The following CSNK1G2 variants were observed in gnomAD, a reference collection of about 807,000 sequenced individuals.
CSNK1G2 encodes the protein casein kinase I isoform gamma-2.
In CSNK1G2, 11 loss-of-function variants were observed where a neutral mutation model predicts 48.0. The ratio of observed to expected loss-of-function variants is 0.23; its 90% CI spans 0.14 to 0.38. The LOEUF (loss-of-function observed/expected upper bound fraction) is 0.38, where lower values mean the gene tolerates loss of function less well. Ranked by LOEUF, CSNK1G2 falls within the 10% of genes least tolerant of loss-of-function variation. The pLI, the probability that CSNK1G2 is intolerant of heterozygous loss-of-function variation, is 1.00. For synonymous variants in CSNK1G2, 337 were observed against 254.1 expected (o/e 1.33, Z -3.10); for missense variants, 446 against 595.5 (o/e 0.75, Z 2.61).
intron 1 of CSNK1G2, among the ~76,000 whole-genome samples, chr19:1,943,131 C>T (rs111710135): frequency 6.6e-6 from 1 of 152,248 alleles, no homozygotes; most frequent in African/African-American, 2.4e-5. Context: ...CCTGCAGGAC[C>T]GTGCAGCGGG....
intron 1 of CSNK1G2, among the ~76,000 whole-genome samples, chr19:1,961,191 C>T (rs1026029372): frequency 5.3e-5 from 8 of 152,230 alleles, no homozygotes; most frequent in South Asian, 2.1e-4. Flanking sequence ...CTGGCCGTCG[C>T]GGTTGTGGCA....
chr19:1,945,205 T>G (rs1398332910), intron 1 of CSNK1G2, among the ~76,000 whole-genome samples: 6 of 152,224 alleles, frequency 3.9e-5, no homozygotes, highest in African/African-American at 1.4e-4. Flanking sequence ...AGGGCCCCTC[T>G]GCAGGTGCAG....
chr19:1,971,862 C>T (rs576786879), intron 2 of CSNK1G2, among the ~76,000 whole-genome samples: 167 of 151,854 alleles, frequency 1.1e-3, no homozygotes, highest in African/African-American at 3.4e-3. Flanking sequence ...CTCCGCGTCC[C>T]GGGTTCACGC....
intron 2 of CSNK1G2, chr19:1,975,064 C>T (rs1456976013): frequency 1.0e-6 from 1 of 985,340 alleles, no homozygotes; most frequent in African/African-American, 1.7e-5. Context: ...TCTGACACGC[C>T]AGCCGCACAC....
At chr19:1,958,275 G>T (rs568567693) in intron 1 of CSNK1G2, among the ~76,000 whole-genome samples, 1 of 151,976 alleles carries the variant, frequency 6.6e-6, no homozygotes, top group Non-Finnish European at 1.5e-5. Context: ...GCTGGGCCTC[G>T]CTTCGTCCTT....
chr19:1,955,421 G>A (rs960364026), intron 1 of CSNK1G2, among the ~76,000 whole-genome samples: 3 of 151,558 alleles, frequency 2.0e-5, no homozygotes, highest in East Asian at 1.9e-4. Context: ...CAGTGCTCCC[G>A]TTTTCCACTG....
chr19:1,942,311 G>A (rs2014397137), intron 1 of CSNK1G2: 1 of 152,356 alleles, frequency 6.6e-6, no homozygotes, highest in Non-Finnish European at 1.5e-5. Context: ...AGGGGCGTGG[G>A]GGCTGAGAGG....
At chr19:1,979,698 G>T in intron 9 of CSNK1G2, 54 bp from the exon 10 acceptor site, 1 of 1,602,298 alleles carries the variant, frequency 6.2e-7, no homozygotes, top group Non-Finnish European at 8.5e-7. Context: ...CTGCCCTGAG[G>T]GAGATGGGAA....
Position 1,980,662 on chromosome 19 carries a change from G to T in CSNK1G2, c.*459G>T, listed in dbSNP as rs755251010. 42 of 210,508 alleles carry T rather than the reference G, an allele frequency of 2.0e-4. No homozygotes were observed. Among genetic ancestry groups the T allele is most frequent in the Non-Finnish European group, 3.8e-4 (39 of 102,050 alleles). 13.0% of individuals were successfully genotyped at this position (210,508 alleles called of 1,614,324 possible). ...CTCGAGGGGAGGGCAGGCCCGGCCTGGAGGGGTGCTGTGGAGCTGTCTTGC... is the reference window on the plus strand; with the variant it reads ...CTCGAGGGGAGGGCAGGCCCGGCCTTGAGGGGTGCTGTGGAGCTGTCTTGC... On this transcript the variant is annotated 3_prime_UTR_variant, in exon 12 of 12. Transcript: ENST00000255641.
In CSNK1G2 at chr19:1,979,475, C is replaced by T. The variant is rs541252222; in HGVS notation, c.854-20C>T. 30 of 1,561,546 alleles carry T rather than the reference C, an allele frequency of 1.9e-5. No individual in the cohort carries two copies. Among genetic ancestry groups the T allele is most frequent in the Non-Finnish European group, 2.4e-5 (28 of 1,155,382 alleles). On this transcript the variant is annotated intron_variant, in intron 8 of 11. Coordinates refer to ENST00000255641, the MANE Select transcript of CSNK1G2 (RefSeq NM_001319.7). The stretch of plus-strand genomic sequence containing the variant: ...CCCACCCCCACCCCCGCCGAGGCCC[C>T]GCTGGCGCTCTCTCTGCAGAGGAGA...
chr19:1,970,950 G>T (rs2015548373), intron 2 of CSNK1G2, among the ~76,000 whole-genome samples: 1 of 152,196 alleles, frequency 6.6e-6, no homozygotes, highest in African/African-American at 2.4e-5. Context: ...AGGGAAACAG[G>T]CCCACGCAGT....
chr19:1,964,734 T>G (rs57163876), intron 1 of CSNK1G2, among the ~76,000 whole-genome samples: 11,316 of 130,466 alleles, frequency 0.087, 1,422 homozygotes, highest in African/African-American at 0.29. Context: ...TGTTTTTTTG[T>G]TTTTTTTTTT....
At chr19:1,946,172 G>A (rs1051808934) in intron 1 of CSNK1G2, among the ~76,000 whole-genome samples, 5 of 152,188 alleles carry the variant, frequency 3.3e-5, no homozygotes, top group African/African-American at 4.8e-5. Flanking sequence ...GTCTCAGGCC[G>A]CGCAGAGGAG....
At position 1,957,512 on chromosome 19, in the gene CSNK1G2, C is replaced by T. The variant is rs1182598723; in HGVS notation, c.-265-11996C>T. 2.6e-5 allele frequency among the ~76,000 whole-genome samples: 4 copies of T among 152,162 alleles called. No homozygotes were observed. Among genetic ancestry groups the T allele is most frequent in the South Asian group, 2.1e-4 (1 of 4,832 alleles). ...GTTTGCTGTTAGGAGGGACAGTGAG[C>T]GCAGGCACCTCTCTCTCCACTTCAT... On this transcript the variant is annotated intron_variant, in intron 1 of 11. Transcript: ENST00000255641. This position sits in a 1 kb window ranked among gnomAD's most constrained non-coding sequence, Gnocchi z 5.4.
At chr19:1,965,343 A>G (rs9797840) in intron 1 of CSNK1G2, among the ~76,000 whole-genome samples, 20,937 of 148,740 alleles carry the variant, frequency 0.14, 1,737 homozygotes, top group East Asian at 0.26. Flanking sequence ...AGATTGTGCC[A>G]CTGCACTCCA....
At chr19:1,973,284 C>T (rs746723213) in intron 2 of CSNK1G2, among the ~76,000 whole-genome samples, 13 of 151,820 alleles carry the variant, frequency 8.6e-5, no homozygotes, top group Non-Finnish European at 1.8e-4. Context: ...AGTGCAGTGG[C>T]GCGATCTCGG....
chr19:1,977,084 T>G (rs1055068620), intron 2 of CSNK1G2, among the ~76,000 whole-genome samples: 12 of 152,222 alleles, frequency 7.9e-5, no homozygotes, highest in Admixed American at 6.5e-5. Context: ...CAAAGGCAGC[T>G]GACTGCAGAC....
At position 1,978,694 on chromosome 19, in the gene CSNK1G2, G is replaced by C. The variant is rs1221999978; in HGVS notation, c.391G>C (p.Asp131His). 4 of 1,604,496 alleles carry C rather than the reference G, an allele frequency of 2.5e-6. No individual in the cohort carries two copies. Among genetic ancestry groups the C allele is most frequent in the East Asian group, 2.3e-5 (1 of 44,440 alleles). Reference protein sequence around the residue: ...LLGPSLEDLFDLCDRTFTLKT... With the variant: ...LLGPSLEDLFHLCDRTFTLKT... ...GGGGCCCAGCCTGGAGGACCTGTTC[G>C]ACCTGTGCGACCGGACCTTCACGCT... The change falls in exon 5 of 12, where the codon GAC (aspartate) becomes CAC (histidine). Residue 131 changes from aspartate to histidine, a missense_variant. Physicochemically the swap from Asp to His is moderately conservative, Grantham distance 81 (BLOSUM62 -1). Coordinates refer to ENST00000255641, the MANE Select transcript of CSNK1G2 (RefSeq NM_001319.7). The surrounding 1 kb of genome is among the most constrained non-coding windows in gnomAD (Gnocchi z 7.3).
chr19:1,968,392 G>T (rs1053224876), intron 1 of CSNK1G2, among the ~76,000 whole-genome samples: 6 of 151,622 alleles, frequency 4.0e-5, no homozygotes, highest in Admixed American at 2.0e-4. Context: ...CTGTCCCGAG[G>T]CTCCTTGCTG....
Sources: gnomAD v4.1 joint callset for allele counts (sites outside exome capture counted in the v4.1 genomes callset) on GRCh38, gnomAD v4.1.1 for gene constraint, Gnocchi (gnomAD v3.1) non-coding constraint, MANE v1.5 for transcripts, NCBI Gene and HGNC (gene_info 2026-07-23, HGNC 2026-07-21) for gene names.